Variants in MAGI3 observed in about 807,000 individuals in gnomAD.
MAGI3 encodes membrane associated guanylate kinase, WW and PDZ domain containing 3, also known as membrane-associated guanylate kinase, WW and PDZ domain-containing protein 3.
A neutral mutation model predicts 121.8 loss-of-function variants in MAGI3; 43 were observed. That is an observed-to-expected ratio of 0.35 (90% CI 0.28 to 0.46). The LOEUF is 0.46. Ranked by LOEUF, MAGI3 falls within the 20% of genes least tolerant of loss-of-function variation. The probability of loss-of-function intolerance (pLI) is 1.00; values close to 1 mark genes in which losing one functional copy is unlikely to be tolerated. For missense variants in MAGI3, 1,547 were observed against 1,797.3 expected, an observed-to-expected ratio of 0.86 and a Z score of 2.52; for synonymous variants, 553 against 639.3, an observed-to-expected ratio of 0.86 and a Z score of 2.04.
intron 8 of MAGI3, among the ~76,000 whole-genome samples, chr1:113,620,822 T>C (rs925859588): frequency 6.6e-6 from 1 of 152,192 alleles, no homozygotes; most frequent in Admixed American, 6.5e-5. Flanking sequence ...TGGGTACGTT[T>C]CCTAAATCTC....
intron 2 of MAGI3, among the ~76,000 whole-genome samples, chr1:113,565,689 G>A (rs1450870922): frequency 2.0e-5 from 3 of 152,248 alleles, no homozygotes; most frequent in South Asian, 4.1e-4. Context: ...GTTATTTCTT[G>A]GAACTCAACT....
At chr1:113,648,447 T>G (rs1223592472) in intron 12 of MAGI3, among the ~76,000 whole-genome samples, 2 of 151,096 alleles carry the variant, frequency 1.3e-5, no homozygotes, top group Non-Finnish European at 3.0e-5. Context: ...AGTCTTGCTC[T>G]GTTGCCCAGG....
Position 113,554,351 on chromosome 1 carries a change from A to G in MAGI3, c.433+4720A>G, listed in dbSNP as rs990560211. Among the ~76,000 whole-genome samples the G allele has an allele frequency of 3.3e-5, 5 of 152,174 alleles. No homozygotes were observed. In the East Asian group the frequency reaches 9.7e-4, roughly 29 times the overall value. ...ATTCACTGAATGGACTCAACAGGAG[A>G]TTCAAAACTGGAGAAGAAAAGATCA... On this transcript the variant is annotated intron_variant, in intron 2 of 20. Transcript: ENST00000307546.
At chr1:113,452,073 A>G (rs1002255390) in intron 1 of MAGI3, among the ~76,000 whole-genome samples, 3 of 152,200 alleles carry the variant, frequency 2.0e-5, no homozygotes, top group Non-Finnish European at 4.4e-5. Context: ...AATAAAGAAC[A>G]AGAGATCACA....
rs144377667 is a variant in MAGI3 at position 113,598,811 on chromosome 1, G to C, written c.1018+4251G>C. Among the ~76,000 whole-genome samples the C allele has an allele frequency of 3.9e-5, 6 of 152,068 alleles. No individual in the cohort carries two copies. In the East Asian group the frequency reaches 9.6e-4, roughly 24 times the overall value. ...AACACTGGACTTAAACTACACTCTA[G>C]AACAAATAAACCTGACAGATATTTA... On this transcript the variant is annotated intron_variant, in intron 6 of 20. Coordinates refer to ENST00000307546, the MANE Select transcript of MAGI3 (RefSeq NM_001142782.2).
chr1:113,661,450 A>G (rs140667385), intron 16 of MAGI3, among the ~76,000 whole-genome samples: 1 of 152,362 alleles, frequency 6.6e-6, no homozygotes, highest in African/African-American at 2.4e-5. Flanking sequence ...GCCTGTGGTT[A>G]AAAAATGTTC....
At chr1:113,672,850 A>G in intron 18 of MAGI3, 109 bp downstream of exon 18, 2 of 1,366,694 alleles carry the variant, frequency 1.5e-6, no homozygotes, top group East Asian at 2.4e-5. Flanking sequence ...TCCAAAACTA[A>G]TAATTCTCGA....
intron 1 of MAGI3, among the ~76,000 whole-genome samples, chr1:113,406,602 G>T (rs142469720): frequency 6.6e-6 from 1 of 151,980 alleles, no homozygotes; most frequent in East Asian, 1.9e-4. Context: ...TCTAATTGAG[G>T]CATGTTAATC....
Position 113,566,867 on chromosome 1 carries a change from T to C in MAGI3, c.434-13675T>C, listed in dbSNP as rs968963568. On this transcript the variant is annotated intron_variant, in intron 2 of 20. Coordinates refer to ENST00000307546, the MANE Select transcript of MAGI3 (RefSeq NM_001142782.2). ...ATCTCAAGTCACCAACCTAATCTTA[T>C]ACCTTAAGGAATTAGACAAATAAGA... Among the ~76,000 whole-genome samples, 8 of 151,976 alleles carry C rather than the reference T, an allele frequency of 5.3e-5. No individual in the cohort carries two copies. The South Asian group carries it at 1.7e-3, about 32-fold the overall frequency.
chr1:113,466,478 T>C (rs1275731664), intron 1 of MAGI3, among the ~76,000 whole-genome samples: 2 of 152,162 alleles, frequency 1.3e-5, no homozygotes, highest in Non-Finnish European at 2.9e-5. Context: ...CTGTTTTTGG[T>C]ATCAGGGTAA....
At position 113,643,931 on chromosome 1, in the gene MAGI3, C is replaced by A. The variant is rs528508394; in HGVS notation, c.1998+157C>A. ...TTGTATTTATTAGAAACTAGGGAAG[C>A]GTTTGAAAAAGCCCCCTAGTGAGGA... is the stretch of plus-strand genomic sequence containing the variant. On this transcript the variant is annotated intron_variant, in intron 11 of 20. Transcript: ENST00000307546. 2.0e-5 allele frequency among the ~76,000 whole-genome samples: 3 copies of A among 152,202 alleles called. No individual in the cohort carries two copies. The East Asian group carries it at 5.8e-4, about 29-fold the overall frequency.
chr1:113,437,523 G>T (rs1653629684), intron 1 of MAGI3, among the ~76,000 whole-genome samples: 1 of 151,898 alleles, frequency 6.6e-6, no homozygotes, highest in Non-Finnish European at 1.5e-5. Flanking sequence ...CATAAATAAG[G>T]ATTACTTAAT....
intron 6 of MAGI3, among the ~76,000 whole-genome samples, chr1:113,600,704 A>T (rs934132914): frequency 2.0e-5 from 3 of 152,252 alleles, no homozygotes; most frequent in African/African-American, 7.2e-5. Context: ...CTTTCTTCAC[A>T]GAATTGGAAA....
intron 7 of MAGI3, among the ~76,000 whole-genome samples, chr1:113,616,700 C>A (rs778630386): frequency 6.6e-6 from 1 of 151,688 alleles, no homozygotes; most frequent in African/African-American, 2.4e-5. Flanking sequence ...TTTAGAAATG[C>A]GGTCTTGATT....
intron 1 of MAGI3, among the ~76,000 whole-genome samples, chr1:113,528,998 C>A (rs1658580804): frequency 6.6e-6 from 1 of 152,126 alleles, no homozygotes; most frequent in Admixed American, 6.5e-5. Flanking sequence ...TGTTTTCGGT[C>A]AAAGTTTGCT....
intron 1 of MAGI3, among the ~76,000 whole-genome samples, chr1:113,529,405 C>T (rs1047803974): frequency 2.0e-5 from 3 of 152,190 alleles, no homozygotes; most frequent in African/African-American, 7.2e-5. Flanking sequence ...CATCTTTTTG[C>T]TGTGTCCTTA....
At chr1:113,395,877 T>C (rs74395031) in intron 1 of MAGI3, among the ~76,000 whole-genome samples, 2,158 of 152,236 alleles carry the variant, frequency 0.014, 19 homozygotes, top group Non-Finnish European at 0.022. Context: ...CATTTGGCCA[T>C]TTGATTTTTA....
At chr1:113,464,166 T>G (rs998167548) in intron 1 of MAGI3, among the ~76,000 whole-genome samples, 1 of 152,002 alleles carries the variant, frequency 6.6e-6, no homozygotes, top group African/African-American at 2.4e-5. Context: ...GCCCATATAC[T>G]TCCTGGCCTC....
chr1:113,673,772 A>G (rs1647702473), intron 19 of MAGI3, among the ~76,000 whole-genome samples: 1 of 152,238 alleles, frequency 6.6e-6, no homozygotes, highest in Non-Finnish European at 1.5e-5. Flanking sequence ...ACGAATTAAT[A>G]AATACACTTT....
Sources: gnomAD v4.1 joint callset for allele counts (sites outside exome capture counted in the v4.1 genomes callset) on GRCh38, gnomAD v4.1.1 for gene constraint, MANE v1.5 for transcripts, NCBI Gene and HGNC (gene_info 2026-07-23, HGNC 2026-07-21) for gene names.